The following ERC2 variants were observed in gnomAD, a reference collection of about 807,000 sequenced individuals.
ERC2 encodes ERC protein 2.
ERC2 carries 42 observed loss-of-function variants against 114.8 expected under a neutral mutation model. The ratio of observed to expected loss-of-function variants is 0.37; its 90% CI spans 0.29 to 0.47. ERC2 has a LOEUF of 0.47. Ranked by LOEUF, ERC2 falls within the 20% of genes least tolerant of loss-of-function variation. ERC2 has a pLI of 0.99. For missense variants in ERC2, 939 were observed against 1,150.7 expected, an observed-to-expected ratio of 0.82 and a Z score of 2.66; for synonymous variants, 454 against 425.5, an observed-to-expected ratio of 1.07 and a Z score of -0.82.
At chr3:56,389,019 CA>C (rs199995362) in intron 2 of ERC2, among the ~76,000 whole-genome samples, 8 of 149,126 alleles carry the variant, frequency 5.4e-5, no homozygotes, top group East Asian at 2.0e-4. Flanking sequence ...TTAGGAGTAC[CA>C]AAAAAAAAGA....
At chr3:56,201,239 C>T (rs775393691) in intron 3 of ERC2, among the ~76,000 whole-genome samples, 12 of 152,330 alleles carry the variant, frequency 7.9e-5, no homozygotes, top group Non-Finnish European at 1.2e-4. Context: ...AACTATCTAC[C>T]ATATACCAAG....
intron 14 of ERC2, among the ~76,000 whole-genome samples, chr3:55,812,192 G>A (rs1198967025): frequency 6.6e-6 from 1 of 152,206 alleles, no homozygotes; most frequent in African/African-American, 2.4e-5. Context: ...CTGTGCTAAA[G>A]CAGGGGCCAT....
chr3:56,425,432 T>C (rs973524329), intron 2 of ERC2, among the ~76,000 whole-genome samples: 9 of 152,102 alleles, frequency 5.9e-5, no homozygotes, highest in African/African-American at 2.2e-4. Flanking sequence ...GAACCAGAGA[T>C]GAAGCAATGG....
At chr3:55,987,933 T>G (rs1405802294) in intron 11 of ERC2, among the ~76,000 whole-genome samples, 1 of 152,186 alleles carries the variant, frequency 6.6e-6, no homozygotes, top group Non-Finnish European at 1.5e-5. Context: ...AATTTGGGCA[T>G]TCTCCATCCT....
At chr3:55,637,268 T>C (rs1043669823) in intron 17 of ERC2, among the ~76,000 whole-genome samples, 10 of 152,162 alleles carry the variant, frequency 6.6e-5, no homozygotes, top group Non-Finnish European at 1.5e-4. Flanking sequence ...AAAATAGAAA[T>C]GTAATTCCTT....
intron 2 of ERC2, among the ~76,000 whole-genome samples, chr3:56,307,010 C>T (rs2056269224): frequency 6.6e-6 from 1 of 152,240 alleles, no homozygotes; most frequent in South Asian, 2.1e-4. Context: ...CATCCTCCTT[C>T]ACCCTGCATG....
chr3:55,799,437 T>A (rs1439074151), intron 14 of ERC2, among the ~76,000 whole-genome samples: 2 of 103,286 alleles, frequency 1.9e-5, no homozygotes, highest in African/African-American at 5.6e-5. Flanking sequence ...TATATATGCC[T>A]TATATATATA....
At chr3:56,073,508 AC>A (rs1167115663) in intron 7 of ERC2, among the ~76,000 whole-genome samples, 3 of 152,102 alleles carry the variant, frequency 2.0e-5, no homozygotes, top group Non-Finnish European at 4.4e-5. Flanking sequence ...CTGGTTAAGA[AC>A]CTCTGCCTTA....
At chr3:55,871,875 G>C (rs1408537853) in intron 14 of ERC2, among the ~76,000 whole-genome samples, 1 of 152,104 alleles carries the variant, frequency 6.6e-6, no homozygotes, top group Non-Finnish European at 1.5e-5. Context: ...TCAACTCTAG[G>C]GGGAAAGGTC....
chr3:55,842,660 A>G (rs1302334493), intron 14 of ERC2, among the ~76,000 whole-genome samples: 1 of 152,052 alleles, frequency 6.6e-6, no homozygotes, highest in Admixed American at 6.5e-5. Flanking sequence ...CTGTAGACTC[A>G]GAATTCCAGA....
intron 17 of ERC2, among the ~76,000 whole-genome samples, chr3:55,631,140 G>A (rs796476254): frequency 3.3e-5 from 5 of 152,126 alleles, no homozygotes; most frequent in African/African-American, 4.8e-5. Context: ...ACCACATTGC[G>A]AGTAAATTAA....
At chr3:56,171,081 T>C (rs1183194335) in intron 4 of ERC2, among the ~76,000 whole-genome samples, 3 of 152,110 alleles carry the variant, frequency 2.0e-5, no homozygotes, top group African/African-American at 2.4e-5. Context: ...CTCTTCTTAA[T>C]TTTAAATTCT....
intron 3 of ERC2, among the ~76,000 whole-genome samples, chr3:56,207,880 C>T (rs1575830542): frequency 6.6e-6 from 1 of 152,086 alleles, no homozygotes; most frequent in Admixed American, 6.6e-5. Context: ...GAACTGCACA[C>T]TTCAGGAGTC....
chr3:56,047,088 G>A (rs2075510548), intron 7 of ERC2, among the ~76,000 whole-genome samples: 1 of 152,152 alleles, frequency 6.6e-6, no homozygotes, highest in South Asian at 2.1e-4. Flanking sequence ...ACTTTCCTAG[G>A]AGGCTAGTCT....
chr3:55,771,301 C>G (rs2068182535), intron 14 of ERC2, among the ~76,000 whole-genome samples: 1 of 152,142 alleles, frequency 6.6e-6, no homozygotes, highest in African/African-American at 2.4e-5. Flanking sequence ...ATAGATCATT[C>G]AGATTACAAA....
intron 1 of ERC2, among the ~76,000 whole-genome samples, chr3:56,449,399 G>A (rs190478184): frequency 1.3e-5 from 2 of 152,318 alleles, no homozygotes; most frequent in African/African-American, 4.8e-5. Context: ...AGTCAGAGGA[G>A]AACCAGAGTA....
intron 17 of ERC2, among the ~76,000 whole-genome samples, chr3:55,681,144 AAT>A (rs1559492675): frequency 6.6e-6 from 1 of 152,204 alleles, no homozygotes; most frequent in Non-Finnish European, 1.5e-5. Flanking sequence ...GTGCTCGGAA[AAT>A]ACCACTCTTG....
At chr3:55,620,616 T>C (rs2059288075) in intron 17 of ERC2, among the ~76,000 whole-genome samples, 1 of 151,804 alleles carries the variant, frequency 6.6e-6, no homozygotes, top group African/African-American at 2.4e-5. Context: ...GTCTTGGATT[T>C]GTCACAGTGT....
intron 17 of ERC2, among the ~76,000 whole-genome samples, chr3:55,533,575 AC>A (rs941985087): frequency 1.3e-5 from 2 of 152,204 alleles, no homozygotes; most frequent in Admixed American, 1.3e-4. Flanking sequence ...AGAGTAGAAG[AC>A]TGCCAAGAAG....
Sources: gnomAD v4.1 joint callset for allele counts (sites outside exome capture counted in the v4.1 genomes callset) on GRCh38, gnomAD v4.1.1 for gene constraint, MANE v1.5 for transcripts, NCBI Gene and HGNC (gene_info 2026-07-23, HGNC 2026-07-21) for gene names.